LINGO2: variants seen among roughly 807,000 people sequenced by gnomAD.
LINGO2 encodes leucine rich repeat and Ig domain containing 2, also known as leucine-rich repeat and immunoglobulin-like domain-containing nogo receptor-interacting protein 2.
In LINGO2, 14 loss-of-function variants were observed where a neutral mutation model predicts 30.6. The ratio of observed to expected loss-of-function variants is 0.46; its 90% CI spans 0.30 to 0.72. LINGO2 has a LOEUF of 0.72. Among genes scored for constraint, LINGO2 ranks in the 30% least tolerant of loss-of-function variants. The pLI is 0.07. For synonymous variants in LINGO2, 317 were observed against 288.5 expected (o/e 1.10, Z -1.00); for missense variants, 729 against 751.7 (o/e 0.97, Z 0.35).
the LINGO2 span, among the ~76,000 whole-genome samples, chr9:29,054,433 G>A: frequency 6.6e-6 from 1 of 152,114 alleles, no homozygotes; most frequent in Admixed American, 6.6e-5. Context: ...TATGCACTTT[G>A]GAGAGCTTTT....
chr9:28,219,780 G>A (rs1008906041), intron 4 of LINGO2, among the ~76,000 whole-genome samples: 2 of 152,150 alleles, frequency 1.3e-5, no homozygotes, highest in African/African-American at 4.8e-5. Context: ...TGTGCAAAGA[G>A]ATTTTCACAG....
At chr9:28,699,034 C>G in the LINGO2 span, among the ~76,000 whole-genome samples, 3 of 134,974 alleles carry the variant, frequency 2.2e-5, no homozygotes, top group African/African-American at 8.8e-5. Context: ...AGAATGAGAC[C>G]CTGCCTCAAA....
intron 1 of LINGO2, among the ~76,000 whole-genome samples, chr9:28,640,317 A>T (rs1391124105): frequency 1.3e-5 from 2 of 151,950 alleles, no homozygotes; most frequent in Non-Finnish European, 2.9e-5. Flanking sequence ...GCTCTTCTCG[A>T]GGAGTATCTT....
At position 28,147,976 on chromosome 9, in the gene LINGO2, C is replaced by A. The variant is rs932638142; in HGVS notation, c.-86-135571G>T. ...GACCCTTGGTTTCGTCTGTGCACAACTCACTCAAAATGGGCAACTCATTAA... is the reference window on the plus strand; with the variant it reads ...GACCCTTGGTTTCGTCTGTGCACAAATCACTCAAAATGGGCAACTCATTAA... On this transcript the variant is annotated intron_variant, in intron 4 of 5. Coordinates refer to ENST00000379992, the Ensembl canonical transcript of LINGO2. The surrounding 1 kb of genome is among the most constrained non-coding windows in gnomAD (Gnocchi z 4.7). Among the ~76,000 whole-genome samples, 2 of 152,208 alleles carry A rather than the reference C, an allele frequency of 1.3e-5. No homozygotes were observed. Among genetic ancestry groups the A allele is most frequent in the African/African-American group, 4.8e-5 (2 of 41,446 alleles).
chr9:28,935,917 G>T, the LINGO2 span, among the ~76,000 whole-genome samples: 1 of 151,962 alleles, frequency 6.6e-6, no homozygotes, highest in Admixed American at 6.6e-5. Flanking sequence ...TTTTGTTAGA[G>T]AAACAAAAGA....
At chr9:28,314,021 C>A (rs1587449948) in intron 3 of LINGO2, among the ~76,000 whole-genome samples, 1 of 152,212 alleles carries the variant, frequency 6.6e-6, no homozygotes, top group African/African-American at 2.4e-5. Flanking sequence ...GCAGGCTCCA[C>A]CCCGCGGGGT....
the LINGO2 span, among the ~76,000 whole-genome samples, chr9:28,895,379 T>C: frequency 2.0e-5 from 3 of 152,082 alleles, no homozygotes; most frequent in East Asian, 5.8e-4. Context: ...CACAAAAGAT[T>C]GCAAAAACTG....
intron 3 of LINGO2, among the ~76,000 whole-genome samples, chr9:28,349,839 G>A (rs1444485644): frequency 6.6e-6 from 1 of 152,058 alleles, no homozygotes; most frequent in Non-Finnish European, 1.5e-5. Flanking sequence ...ACTGGGGGCC[G>A]ATATTCAACG....
chr9:28,854,892 C>T, the LINGO2 span, among the ~76,000 whole-genome samples: 5 of 151,756 alleles, frequency 3.3e-5, no homozygotes, highest in African/African-American at 4.8e-5. Context: ...AAAATTGCTT[C>T]CTAAACTTAA....
In LINGO2 at chr9:27,948,970, G is replaced by A. The variant is rs559941018; in HGVS notation, c.1702C>T (p.Arg568Ter). Residue 568 changes from arginine to a stop codon, truncating the protein, a stop_gained, in exon 6 of 6, where the codon CGA becomes TGA. Coordinates refer to ENST00000379992, the Ensembl canonical transcript of LINGO2. LOFTEE classifies it high-confidence loss of function. ...CTGTTTTTGTGCTTGCCTTTCCCTC[G>A]GCTCCACACAAAAAGGAGAAGAAAA... is the stretch of plus-strand genomic sequence containing the variant. 5 of 1,613,678 alleles carry A rather than the reference G, an allele frequency of 3.1e-6. No homozygotes were observed. Among genetic ancestry groups the A allele is most frequent in the Non-Finnish European group, 4.2e-6 (5 of 1,179,940 alleles).
At chr9:28,090,733 A>G (rs944842416) in intron 4 of LINGO2, among the ~76,000 whole-genome samples, 14 of 152,210 alleles carry the variant, frequency 9.2e-5, no homozygotes, top group African/African-American at 3.1e-4. Flanking sequence ...GGGAGGAGAA[A>G]GAAATAAAGG....
intron 1 of LINGO2, among the ~76,000 whole-genome samples, chr9:28,479,106 C>T (rs1048523526): frequency 2.0e-5 from 3 of 151,852 alleles, no homozygotes; most frequent in Non-Finnish European, 4.4e-5. Context: ...TGGGCTCTTA[C>T]TAATGGCGAG....
At chr9:29,146,045 G>A in the LINGO2 span, among the ~76,000 whole-genome samples, 29 of 152,084 alleles carry the variant, frequency 1.9e-4, no homozygotes, top group Non-Finnish European at 5.9e-5. Context: ...TAAAACTAGT[G>A]CATGTAAAGG....
At chr9:29,183,265 T>C in the LINGO2 span, among the ~76,000 whole-genome samples, 1 of 152,108 alleles carries the variant, frequency 6.6e-6, no homozygotes, top group African/African-American at 2.4e-5. Context: ...CAAAGAAATA[T>C]CCTTTTGAAT....
the LINGO2 span, among the ~76,000 whole-genome samples, chr9:28,933,538 A>G: frequency 6.6e-6 from 1 of 152,158 alleles, no homozygotes; most frequent in Non-Finnish European, 1.5e-5. Context: ...CGAGGCAGAA[A>G]TCTGATGGGA....
chr9:28,634,728 T>C (rs1221634435), intron 1 of LINGO2, among the ~76,000 whole-genome samples: 2 of 151,992 alleles, frequency 1.3e-5, no homozygotes, highest in Non-Finnish European at 2.9e-5. Context: ...TCAAGTGATC[T>C]GCCCACCTTG....
At chr9:28,074,304 T>A (rs963717792) in intron 4 of LINGO2, among the ~76,000 whole-genome samples, 1 of 152,182 alleles carries the variant, frequency 6.6e-6, no homozygotes, top group African/African-American at 2.4e-5. Flanking sequence ...GCAGCTAATA[T>A]CTCTGTAATG....
chr9:28,335,684 T>TA (rs1243283426), intron 3 of LINGO2, among the ~76,000 whole-genome samples: 1 of 152,166 alleles, frequency 6.6e-6, no homozygotes, highest in African/African-American at 2.4e-5. Flanking sequence ...TGAAAAATGT[T>TA]AAAAAGTAGT....
chr9:29,083,680 T>C, the LINGO2 span, among the ~76,000 whole-genome samples: 347 of 152,202 alleles, frequency 2.3e-3, 1 homozygote, highest in Admixed American at 2.8e-3. Context: ...TGCAGCTTTA[T>C]GAACTCTGAA....
Sources: gnomAD v4.1 joint callset for allele counts (sites outside exome capture counted in the v4.1 genomes callset) on GRCh38, gnomAD v4.1.1 for gene constraint, Gnocchi (gnomAD v3.1) non-coding constraint, MANE v1.5 for transcripts, NCBI Gene and HGNC (gene_info 2026-07-23, HGNC 2026-07-21) for gene names.